The following ABCC6 variants were observed in gnomAD, a reference collection of about 807,000 sequenced individuals.
ABCC6 encodes the protein ATP binding cassette subfamily C member 6, also known as ATP-binding cassette sub-family C member 6.
A neutral mutation model predicts 169.5 loss-of-function variants in ABCC6; 126 were observed. The ratio of observed to expected loss-of-function variants is 0.74; its 90% CI spans 0.64 to 0.86. The LOEUF (loss-of-function observed/expected upper bound fraction) is 0.86, where lower values mean the gene tolerates loss of function less well. Ranked by LOEUF, ABCC6 falls within the 40% of genes least tolerant of loss-of-function variation. The probability of loss-of-function intolerance (pLI) is 0.00; values close to 1 mark genes in which losing one functional copy is unlikely to be tolerated. For synonymous variants in ABCC6, 752 were observed against 814.7 expected, an observed-to-expected ratio of 0.92 and a Z score of 1.31; for missense variants, 1,733 against 1,927.2, an observed-to-expected ratio of 0.90 and a Z score of 1.89.
chr16:16,198,264 GC>G, intron 9 of ABCC6, 82 bp from the exon 10 acceptor site: 1 of 1,467,972 alleles, frequency 6.8e-7, no homozygotes, highest in Non-Finnish European at 9.3e-7. Context: ...CACCCACTGA[GC>G]CCCACCTCAC....
At position 16,198,187 on chromosome 16, in the gene ABCC6, C is replaced by T. The variant is rs367827731; in HGVS notation, c.1177-5G>A. The T allele has an allele frequency of 2.8e-5, 45 of 1,586,354 alleles. No homozygotes were observed. Among genetic ancestry groups the T allele is most frequent in the African/African-American group, 4.0e-5 (3 of 74,416 alleles). On this transcript the variant is annotated splice_polypyrimidine_tract_variant and splice_region_variant and intron_variant, in intron 9 of 30. Transcript: ENST00000205557. ...GCCGCTGGACAGAGCCAGGACCTGGCGGGTGGGCAGAAGGAGAGAAGTAAA... is the reference window on the plus strand; with the variant it reads ...GCCGCTGGACAGAGCCAGGACCTGGTGGGTGGGCAGAAGGAGAGAAGTAAA...
Position 16,197,979 on chromosome 16 carries a change from T to C in ABCC6, c.1338+42A>G, listed in dbSNP as rs558594309. ...AAGGAGGAGGGGGAGAAGGAGGGGG[T>C]GGGGGACTCCGTTCAAATCCCGTCT... On this transcript the variant is annotated intron_variant, in intron 10 of 30. Coordinates refer to ENST00000205557, the MANE Select transcript of ABCC6 (RefSeq NM_001171.6). 7 of 1,466,320 alleles carry C rather than the reference T, an allele frequency of 4.8e-6. No individual in the cohort carries two copies. In the South Asian group the frequency reaches 7.1e-5, roughly 15 times the overall value. 90.8% of individuals were successfully genotyped at this position (1,466,320 alleles called of 1,614,324 possible).
At chr16:16,168,099 T>C (rs2046932776) in intron 22 of ABCC6, among the ~76,000 whole-genome samples, 1 of 152,210 alleles carries the variant, frequency 6.6e-6, no homozygotes, top group South Asian at 2.1e-4. Context: ...CCCCCTATTT[T>C]ACAGGGGAGG....
At chr16:16,183,900 C>T (rs1447173025) in intron 15 of ABCC6, among the ~76,000 whole-genome samples, 1 of 152,054 alleles carries the variant, frequency 6.6e-6, no homozygotes, top group Non-Finnish European at 1.5e-5. Context: ...TTCCCACCGC[C>T]TAGAAGGTTC....
intron 24 of ABCC6, 125 bp from the exon 25 acceptor site, chr16:16,161,689 A>G (rs2046724993): frequency 2.3e-6 from 3 of 1,290,852 alleles, no homozygotes; most frequent in Admixed American, 3.9e-5. Context: ...TGGCCTCCAC[A>G]TGCAACCCAG....
At chr16:16,198,993 C>CG (rs1337597824) in intron 9 of ABCC6, among the ~76,000 whole-genome samples, 1 of 53,738 alleles carries the variant, frequency 1.9e-5, no homozygotes, top group Non-Finnish European at 4.2e-5. Flanking sequence ...AAATCCATTT[C>CG]GGGGGGGAAA....
Position 16,200,858 on chromosome 16 carries a change from C to T in ABCC6, c.1176+1143G>A, listed in dbSNP as rs57401339. Among the ~76,000 whole-genome samples, 17 of 149,778 alleles carry T rather than the reference C, an allele frequency of 1.1e-4. No homozygotes were observed. The East Asian group carries it at 2.4e-3, about 21-fold the overall frequency. On this transcript the variant is annotated intron_variant, in intron 9 of 30. Coordinates refer to ENST00000205557, the MANE Select transcript of ABCC6 (RefSeq NM_001171.6). ...GACTTAGCTTCCAGAGTCCCAGGAA[C>T]GGACAAGAGCCACTGCACAGAGAGA...
rs72657700 is a variant in ABCC6 at position 16,169,783 on chromosome 16, A to T, written c.2858T>A (p.Leu953His). The change falls in exon 22 of 31, where the codon CTC becomes CAC. Residue 953 changes from leucine (L) to histidine (H), a missense_variant. Leu to His is a moderately conservative substitution (Grantham distance 99, BLOSUM62 -3). Transcript: ENST00000205557. ...GTPLCLYALF[L>H]FLCQQVASFC... ...GGAGGCCACTTGCTGGCAGAGGAAG[A>T]GGAAGAGTGCGTAGAGGCAGAGGGG... 5.0e-6 allele frequency: 8 copies of T among 1,588,082 alleles called. No homozygotes were observed. The highest frequency in any genetic ancestry group is 3.6e-5 in the Admixed American group (2 of 55,570).
rs762499171 is a variant in ABCC6, at chr16:16,187,207, C to T, written c.1784G>A (p.Arg595Gln). 24 of 1,613,110 alleles carry T rather than the reference C, an allele frequency of 1.5e-5. No individual in the cohort carries two copies. The East Asian group carries it at 2.9e-4, about 19-fold the overall frequency. ...GGTGACCAGACGGTCAAAGGACACCCGGGCCTAGGAAAACCGAAGCCGCAG... is the reference window on the plus strand; with the variant it reads ...GGTGACCAGACGGTCAAAGGACACCTGGGCCTAGGAAAACCGAAGCCGCAG... ...PFSIHSLVQA[R>Q]VSFDRLVTFL... The change falls in exon 14 of 31, where the codon CGG (arginine) becomes CAG (glutamine). Residue 595 changes from arginine (R) to glutamine (Q), a missense_variant. Physicochemically the swap from Arg to Gln is conservative, Grantham distance 43. Coordinates refer to ENST00000205557, the MANE Select transcript of ABCC6 (RefSeq NM_001171.6).
chr16:16,194,470 G>A (rs2047969259), intron 10 of ABCC6, among the ~76,000 whole-genome samples: 1 of 152,200 alleles, frequency 6.6e-6, no homozygotes. Flanking sequence ...CCAACGTGGT[G>A]ATTTTGGGAT....
intron 17 of ABCC6, among the ~76,000 whole-genome samples, chr16:16,180,282 C>A (rs1260317516): frequency 6.6e-6 from 1 of 152,164 alleles, no homozygotes; most frequent in Non-Finnish European, 1.5e-5. Context: ...CTGCTGTAGA[C>A]AATATGTAAT....
chr16:16,169,094 CA>C (rs1567483621), intron 22 of ABCC6, among the ~76,000 whole-genome samples: 1 of 151,940 alleles, frequency 6.6e-6, no homozygotes, highest in Non-Finnish European at 1.5e-5. Flanking sequence ...ATAAAATAAA[CA>C]AATAAATAAA....
chr16:16,194,493 C>T (rs574068860), intron 10 of ABCC6, among the ~76,000 whole-genome samples: 1 of 152,234 alleles, frequency 6.6e-6, no homozygotes, highest in Non-Finnish European at 1.5e-5. Context: ...TTATCTTCCC[C>T]CTCTCGGCTT....
intron 9 of ABCC6, among the ~76,000 whole-genome samples, chr16:16,198,422 T>A (rs562197722): frequency 6.6e-6 from 1 of 152,220 alleles, no homozygotes; most frequent in South Asian, 2.1e-4. Flanking sequence ...AAACACCAGA[T>A]TAACACAGAT....
chr16:16,214,521 A>C, intron 4 of ABCC6, 72 bp from the exon 5 acceptor site: 1 of 1,550,622 alleles, frequency 6.4e-7, no homozygotes, highest in Non-Finnish European at 8.7e-7. Flanking sequence ...AAGGTTTCTG[A>C]TCTTGGGTCA....
At chr16:16,199,783 A>G (rs969057717) in intron 9 of ABCC6, among the ~76,000 whole-genome samples, 1 of 146,556 alleles carries the variant, frequency 6.8e-6, no homozygotes, top group African/African-American at 2.5e-5. Flanking sequence ...GATTTATATA[A>G]CTGGCCGGGC....
chr16:16,194,964 G>A (rs1395399762), intron 10 of ABCC6, among the ~76,000 whole-genome samples: 5 of 152,122 alleles, frequency 3.3e-5, no homozygotes, highest in Admixed American at 2.6e-4. Flanking sequence ...ACAGGTTTGA[G>A]CCACCCCACC....
At chr16:16,153,607 A>G (rs2046451413) in intron 29 of ABCC6, among the ~76,000 whole-genome samples, 1 of 152,084 alleles carries the variant, frequency 6.6e-6, no homozygotes, top group Admixed American at 6.6e-5. Context: ...TGTACCTAAC[A>G]CTACAGAAAC....
Position 16,169,795 on chromosome 16 carries a change from T to C in ABCC6, c.2846A>G (p.Tyr949Cys). 1 of 1,578,340 alleles carries C rather than the reference T, an allele frequency of 6.3e-7. No individual in the cohort carries two copies. Among genetic ancestry groups the C allele is most frequent in the Non-Finnish European group, 8.6e-7 (1 of 1,162,490 alleles). The change falls in exon 22 of 31, where the codon TAC (tyrosine) becomes TGC (cysteine). Residue 949 changes from tyrosine to cysteine, a missense_variant. Physicochemically the swap from Tyr to Cys is radical, Grantham distance 194. Coordinates refer to ENST00000205557, the MANE Select transcript of ABCC6 (RefSeq NM_001171.6). ...LRAVGTPLCLYALFLFLCQQV... is the reference protein window; with the variant it reads ...LRAVGTPLCLCALFLFLCQQV... ...CTGGCAGAGGAAGAGGAAGAGTGCG[T>C]AGAGGCAGAGGGGGGTGCCCACGGC...
Sources: allele counts gnomAD v4.1 joint callset (sites outside exome capture counted in the v4.1 genomes callset), GRCh38; gene constraint gnomAD v4.1.1; transcripts MANE v1.5; gene names NCBI Gene and HGNC (gene_info 2026-07-23, HGNC 2026-07-21).